PITPNC1: variants seen among roughly 807,000 people sequenced by gnomAD.
PITPNC1 encodes the protein cytoplasmic phosphatidylinositol transfer protein 1.
In PITPNC1, 18 loss-of-function variants were observed where a neutral mutation model predicts 44.7. The ratio of observed to expected loss-of-function variants is 0.40; its 90% confidence interval spans 0.28 to 0.60. The LOEUF is 0.60. PITPNC1 is among the 20% of genes least tolerant of loss of function. PITPNC1 has a pLI of 0.39. For synonymous variants in PITPNC1, 141 were observed against 149.6 expected (o/e 0.94, Z 0.42); for missense variants, 290 against 418.4 (o/e 0.69, Z 2.68).
chr17:67,576,815 C>T (rs2041155804), intron 4 of PITPNC1, among the ~76,000 whole-genome samples: 1 of 152,158 alleles, frequency 6.6e-6, no homozygotes, highest in African/African-American at 2.4e-5. Context: ...AGTTTCTACC[C>T]ATGGATGCTG....
intron 5 of PITPNC1, among the ~76,000 whole-genome samples, chr17:67,587,479 G>A (rs548758487): frequency 6.1e-5 from 9 of 146,490 alleles, no homozygotes; most frequent in Admixed American, 3.3e-4. Context: ...GGGCAACAGA[G>A]CGAGACTCTG....
At chr17:67,625,561 G>A (rs1329699578) in intron 5 of PITPNC1, among the ~76,000 whole-genome samples, 1 of 152,118 alleles carries the variant, frequency 6.6e-6, no homozygotes, top group Non-Finnish European at 1.5e-5. Flanking sequence ...GCTTAATTCT[G>A]GCTCCTGCCC....
intron 1 of PITPNC1, among the ~76,000 whole-genome samples, chr17:67,407,308 T>C (rs1377480070): frequency 6.6e-6 from 1 of 152,252 alleles, no homozygotes; most frequent in East Asian, 1.9e-4. Flanking sequence ...ATATCTTCTT[T>C]GAATAAATTT....
chr17:67,382,138 C>T (rs561077385), intron 1 of PITPNC1, among the ~76,000 whole-genome samples: 8 of 152,274 alleles, frequency 5.3e-5, no homozygotes, highest in African/African-American at 1.9e-4. Flanking sequence ...TTCTTGAAAA[C>T]AGATAAAGTC....
At chr17:67,575,764 C>CCTTTCTTT (rs112409803) in intron 4 of PITPNC1, among the ~76,000 whole-genome samples, 151 of 133,678 alleles carry the variant, frequency 1.1e-3, no homozygotes, top group Admixed American at 1.5e-3. Flanking sequence ...GAAGAATTTG[C>CCTTTCTTT]CTTTCTTTCT....
intron 1 of PITPNC1, among the ~76,000 whole-genome samples, chr17:67,513,473 C>CTA (rs937953480): frequency 5.3e-5 from 6 of 112,498 alleles, no homozygotes; most frequent in Non-Finnish European, 1.0e-4. Context: ...TATATTTTTA[C>CTA]TATATGTGTG....
At chr17:67,636,178 A>G (rs2042029922) in intron 6 of PITPNC1, among the ~76,000 whole-genome samples, 1 of 150,630 alleles carries the variant, frequency 6.6e-6, no homozygotes. Flanking sequence ...GGTGCCTGTA[A>G]TTCCATCTAC....
chr17:67,632,057 T>C, intron 5 of PITPNC1, 86 bp from the exon 6 acceptor site: 1 of 771,750 alleles, frequency 1.3e-6, no homozygotes. Flanking sequence ...GTGAAGATGC[T>C]CTGTGTGGGG....
rs2042609137 is a variant in PITPNC1 at position 67,676,730 on chromosome 17, G to T, written c.682+1188G>T. 6.6e-6 allele frequency among the ~76,000 whole-genome samples: 1 copy of T among 152,040 alleles called. No individual in the cohort carries two copies. Among genetic ancestry groups the T allele is most frequent in the African/African-American group, 2.4e-5 (1 of 41,396 alleles). On this transcript the variant is annotated intron_variant, in intron 8 of 8. Transcript: ENST00000581322. The surrounding 1 kb of genome is among the most constrained non-coding windows in gnomAD (Gnocchi z 4.0). The stretch of plus-strand genomic sequence containing the variant: ...ACCAAAGTAAAAGGACACGTTAGAC[G>T]GAAGGGGCAAAGACAGTCATTATTA...
At chr17:67,661,550 G>A (rs2042347564) in intron 6 of PITPNC1, among the ~76,000 whole-genome samples, 1 of 152,148 alleles carries the variant, frequency 6.6e-6, no homozygotes, top group Non-Finnish European at 1.5e-5. Context: ...TCAGTGTAGG[G>A]TTGCGTCTGT....
At chr17:67,531,113 C>T (rs55777713) in intron 1 of PITPNC1, among the ~76,000 whole-genome samples, 5,254 of 151,950 alleles carry the variant, frequency 0.035, 110 homozygotes, top group African/African-American at 0.044. Context: ...CGTGCTGGTG[C>T]GCACCTGTAG....
Position 67,417,507 on chromosome 17 carries a change from A to C in PITPNC1, c.48+39305A>C, listed in dbSNP as rs540558585. ...GAGAGGCAGAGGTAATTTAACCTAC[A>C]TATAATTTCTTGGTTGCCAGCCTCC... On this transcript the variant is annotated intron_variant, in intron 1 of 8. Transcript: ENST00000581322. Among the ~76,000 whole-genome samples, 35 of 152,224 alleles carry C rather than the reference A, an allele frequency of 2.3e-4. No individual in the cohort carries two copies. The South Asian group carries it at 7.3e-3, about 32-fold the overall frequency.
At chr17:67,639,216 T>C (rs1222880146) in intron 6 of PITPNC1, among the ~76,000 whole-genome samples, 2 of 152,174 alleles carry the variant, frequency 1.3e-5, no homozygotes, top group African/African-American at 4.8e-5. Context: ...AACCCTGACA[T>C]GGACCAATCC....
intron 1 of PITPNC1, among the ~76,000 whole-genome samples, chr17:67,380,932 C>A (rs1432993256): frequency 3.3e-5 from 5 of 152,124 alleles, no homozygotes; most frequent in East Asian, 3.9e-4. Flanking sequence ...TGCTGCCAAC[C>A]CGGCTAATTT....
At chr17:67,380,327 A>T (rs2037939273) in intron 1 of PITPNC1, among the ~76,000 whole-genome samples, 1 of 152,180 alleles carries the variant, frequency 6.6e-6, no homozygotes, top group African/African-American at 2.4e-5. Flanking sequence ...CGCCTGCCTC[A>T]GCCTCCCAAA....
chr17:67,519,810 C>T (rs2040303209), intron 1 of PITPNC1, among the ~76,000 whole-genome samples: 1 of 152,184 alleles, frequency 6.6e-6, no homozygotes, highest in African/African-American at 2.4e-5. Flanking sequence ...ATATAACCCT[C>T]TCCCAGCCTT....
At chr17:67,379,432 T>A (rs928224987) in intron 1 of PITPNC1, 2 of 945,158 alleles carry the variant, frequency 2.1e-6, no homozygotes, top group Admixed American at 1.2e-4. Context: ...TCAAAGTAGC[T>A]GCAAGTTTAC....
chr17:67,660,650 A>G (rs2042332306), intron 6 of PITPNC1, among the ~76,000 whole-genome samples: 1 of 151,354 alleles, frequency 6.6e-6, no homozygotes, highest in Admixed American at 6.6e-5. Flanking sequence ...GATTCAAGCG[A>G]TTCTCCTGCC....
intron 1 of PITPNC1, among the ~76,000 whole-genome samples, chr17:67,420,723 C>T (rs1227053370): frequency 2.6e-5 from 4 of 152,234 alleles, no homozygotes; most frequent in South Asian, 2.1e-4. Context: ...TGAGCCACTG[C>T]GCCCGGCCTC....
Sources: allele counts gnomAD v4.1 joint callset (sites outside exome capture counted in the v4.1 genomes callset), GRCh38; gene constraint gnomAD v4.1.1; non-coding constraint Gnocchi (gnomAD v3.1); transcripts MANE v1.5; gene names NCBI Gene and HGNC (gene_info 2026-07-23, HGNC 2026-07-21).